CUBN: variants seen among roughly 807,000 people sequenced by gnomAD.
The protein encoded by CUBN is 460 kDa receptor.
CUBN carries 282 observed loss-of-function variants against 405.3 expected under a neutral mutation model. That is an observed-to-expected ratio of 0.70 (90% CI 0.63 to 0.77). The LOEUF is 0.77. CUBN is among the 30% of genes least tolerant of loss of function. The probability of loss-of-function intolerance (pLI) is 0.00; values close to 1 mark genes in which losing one functional copy is unlikely to be tolerated. For missense variants in CUBN, 4,514 were observed against 4,475.2 expected (o/e 1.01, Z -0.25); for synonymous variants, 1,684 against 1,617.0 (o/e 1.04, Z -0.99).
At chr10:16,871,504 T>C (rs994867246) in intron 58 of CUBN, among the ~76,000 whole-genome samples, 21 of 151,594 alleles carry the variant, frequency 1.4e-4, no homozygotes, top group Admixed American at 1.3e-4. Flanking sequence ...TTCTAAAAGG[T>C]TTTGGTTGGT....
At chr10:16,846,951 C>T (rs2131330371) in intron 60 of CUBN, among the ~76,000 whole-genome samples, 1 of 152,092 alleles carries the variant, frequency 6.6e-6, no homozygotes, top group East Asian at 1.9e-4. Context: ...GGTTCATGCT[C>T]CTCTCAGTTT....
chr10:17,123,574 A>G lies in CUBN; in HGVS notation c.489+14T>C, dbSNP rs886046882. 1.9e-6 allele frequency: 3 copies of G among 1,582,178 alleles called. No homozygotes were observed. The highest frequency in any genetic ancestry group is 1.7e-5 in the Admixed American group (1 of 59,820). On this transcript the variant is annotated intron_variant, in intron 5 of 66. Transcript: ENST00000377833. ...GACCTGCCATCATTCTTAACCAAAG[A>G]GTAGATGACTCACCTTCCACTGTGG...
intron 16 of CUBN, 79 bp from the exon 17 acceptor site, chr10:17,084,540 A>T: frequency 3.6e-6 from 4 of 1,120,054 alleles, no homozygotes; most frequent in Non-Finnish European, 5.3e-6. Context: ...ATTTCTAAAA[A>T]TTTACCCACA....
intron 27 of CUBN, among the ~76,000 whole-genome samples, chr10:17,021,187 A>G (rs1053892352): frequency 6.6e-6 from 1 of 151,822 alleles, no homozygotes; most frequent in African/African-American, 2.4e-5. Context: ...GTCTTCGTCC[A>G]TTTTTCCATT....
intron 27 of CUBN, among the ~76,000 whole-genome samples, chr10:17,027,688 C>T (rs1429261179): frequency 2.6e-5 from 4 of 152,152 alleles, no homozygotes; most frequent in Non-Finnish European, 5.9e-5. Flanking sequence ...GTCAAATAAA[C>T]ACCTGGCCTA....
At chr10:17,050,518 C>G (rs568705976) in intron 22 of CUBN, among the ~76,000 whole-genome samples, 2 of 152,298 alleles carry the variant, frequency 1.3e-5, no homozygotes, top group Admixed American at 1.3e-4. Flanking sequence ...GAAAGCCGGG[C>G]ATCTGAGTAG....
chr10:16,966,285 A>G (rs2932911), intron 31 of CUBN, among the ~76,000 whole-genome samples: 52,434 of 151,950 alleles, frequency 0.35, 9,228 homozygotes, highest in Middle Eastern at 0.45. Flanking sequence ...AACAAAGAGC[A>G]CAGTGTCTGG....
chr10:17,021,587 C>T (rs886078283), intron 27 of CUBN, among the ~76,000 whole-genome samples: 4 of 152,102 alleles, frequency 2.6e-5, no homozygotes, highest in South Asian at 2.1e-4. Context: ...TGCACGTGTC[C>T]GTGCATAAAT....
At chr10:16,894,674 C>T (rs117961065) in intron 54 of CUBN, among the ~76,000 whole-genome samples, 3,809 of 152,212 alleles carry the variant, frequency 0.025, 67 homozygotes, top group Non-Finnish European at 0.039. Flanking sequence ...ATTCTTTTAG[C>T]CATTGAAGGG....
Position 17,072,022 on chromosome 10 carries a change from C to T in CUBN, c.2302-51G>A, listed in dbSNP as rs182324774. ...GTAATTCAAATAAAGAAACTTACGT[C>T]GGCAATGGTGGCGTTACTTGGAGAT... is the stretch of plus-strand genomic sequence containing the variant. On this transcript the variant is annotated intron_variant, in intron 17 of 66. Transcript: ENST00000377833. 227 of 1,470,772 alleles carry T rather than the reference C, an allele frequency of 1.5e-4. 2 individuals carry two copies. In the East Asian group the frequency reaches 3.5e-3, roughly 23 times the overall value. 91.1% of individuals were successfully genotyped at this position (1,470,772 alleles called of 1,614,324 possible). A position where few individuals can be genotyped will look rare whatever the true frequency, so the allele number is the denominator to read the frequency against.
At chr10:16,897,642 G>C (rs1261208324) in intron 54 of CUBN, among the ~76,000 whole-genome samples, 1 of 152,046 alleles carries the variant, frequency 6.6e-6, no homozygotes, top group East Asian at 1.9e-4. Flanking sequence ...GGTGTCTCTG[G>C]GTGGGTAAAG....
At chr10:17,069,129 T>C (rs890680360) in intron 19 of CUBN, among the ~76,000 whole-genome samples, 11 of 152,232 alleles carry the variant, frequency 7.2e-5, no homozygotes, top group Admixed American at 5.9e-4. Flanking sequence ...CATTATTTCA[T>C]TCTTTTTTAA....
At chr10:16,937,407 G>A (rs1326399029) in intron 39 of CUBN, among the ~76,000 whole-genome samples, 185 bp downstream of exon 39, 1 of 152,084 alleles carries the variant, frequency 6.6e-6, no homozygotes, top group African/African-American at 2.4e-5. Flanking sequence ...GCATTTTTTA[G>A]AAAGAAACGT....
At chr10:17,128,759 G>A (rs1447699485) in intron 2 of CUBN, among the ~76,000 whole-genome samples, 3 of 152,136 alleles carry the variant, frequency 2.0e-5, no homozygotes, top group Admixed American at 6.5e-5. Context: ...TAGGAAGGGG[G>A]AGGGAGGCTG....
At chr10:17,004,861 G>T (rs61842771) in intron 28 of CUBN, among the ~76,000 whole-genome samples, 114 of 151,886 alleles carry the variant, frequency 7.5e-4, no homozygotes, top group Non-Finnish European at 1.3e-3. Flanking sequence ...GTAGAGATGG[G>T]GTGGGCCAGG....
At chr10:17,099,055 T>G (rs1836437441) in intron 14 of CUBN, among the ~76,000 whole-genome samples, 1 of 152,178 alleles carries the variant, frequency 6.6e-6, no homozygotes, top group Non-Finnish European at 1.5e-5. Flanking sequence ...CAAAAACTTA[T>G]ATGGAAATGC....
chr10:16,977,873 C>T (rs977123599), intron 31 of CUBN, among the ~76,000 whole-genome samples: 2 of 152,212 alleles, frequency 1.3e-5, no homozygotes, highest in African/African-American at 4.8e-5. Flanking sequence ...ATGAGACACA[C>T]CCCTGTTGAA....
rs71377018 is a variant in CUBN, at chr10:17,115,243, CAAAA to C, written c.720+224_720+227del. ...TGGGTGACAGAGTGAGGCTCCATCTCAAAAAAAAAAAAAAAAAAAAATCCTATTT... is the reference window on the plus strand; with the variant it reads ...TGGGTGACAGAGTGAGGCTCCATCTCAAAAAAAAAAAAAAAAATCCTATTT... On this transcript the variant is annotated intron_variant, in intron 7 of 66. Transcript: ENST00000377833. Among the ~76,000 whole-genome samples, 1,071 of 122,252 alleles carry C rather than the reference CAAAA, an allele frequency of 8.8e-3. 7 individuals carry two copies. Among genetic ancestry groups the C allele is most frequent in the Non-Finnish European group, 0.012 (716 of 60,178 alleles). The allele number at this position is 122,252 out of a possible 152,430, so 80.2% of individuals were successfully genotyped here.
At chr10:17,017,718 T>C (rs1283918023) in intron 28 of CUBN, among the ~76,000 whole-genome samples, 1 of 152,162 alleles carries the variant, frequency 6.6e-6, no homozygotes, top group Non-Finnish European at 1.5e-5. Flanking sequence ...TTCTGATTGG[T>C]GAACCCAGGT....
Sources: gnomAD v4.1 joint callset for allele counts (sites outside exome capture counted in the v4.1 genomes callset) on GRCh38, gnomAD v4.1.1 for gene constraint, MANE v1.5 for transcripts, NCBI Gene and HGNC (gene_info 2026-07-23, HGNC 2026-07-21) for gene names.